OSBPL3: variants seen among roughly 807,000 people sequenced by gnomAD.
OSBPL3 encodes the protein oxysterol binding protein like 3, also known as oxysterol-binding protein-related protein 3.
A neutral mutation model predicts 120.1 loss-of-function variants in OSBPL3; 65 were observed. That is an observed-to-expected ratio of 0.54 (90% CI 0.44 to 0.67). The LOEUF is 0.67. Ranked by LOEUF, OSBPL3 falls within the 30% of genes least tolerant of loss-of-function variation. The pLI is 0.00. For synonymous variants in OSBPL3, 416 were observed against 402.6 expected (o/e 1.03, Z -0.40); for missense variants, 1,004 against 1,082.1 (o/e 0.93, Z 1.01).
chr7:24,900,565 C>A lies in OSBPL3; in HGVS notation c.-149-7944G>T, dbSNP rs1396408484. Among the ~76,000 whole-genome samples, 1 of 152,224 alleles carries A rather than the reference C, an allele frequency of 6.6e-6. No homozygotes were observed. Among genetic ancestry groups the A allele is most frequent in the Non-Finnish European group, 1.5e-5 (1 of 68,038 alleles). ...AAGATTTTGTCCCACTGCTTAGCTACTCCTTAATCAAGGTATGGCAAGTAC... is the reference window on the plus strand; with the variant it reads ...AAGATTTTGTCCCACTGCTTAGCTAATCCTTAATCAAGGTATGGCAAGTAC... On this transcript the variant is annotated intron_variant, in intron 1 of 22. Coordinates refer to ENST00000313367, the MANE Select transcript of OSBPL3 (RefSeq NM_015550.4). The surrounding 1 kb of genome is among the most constrained non-coding windows in gnomAD (Gnocchi z 4.5).
chr7:24,886,050 A>G (rs1233574994), intron 2 of OSBPL3, among the ~76,000 whole-genome samples: 2 of 152,262 alleles, frequency 1.3e-5, no homozygotes, highest in Non-Finnish European at 2.9e-5. Flanking sequence ...CACTTAATGT[A>G]TCTACAAGAC....
chr7:24,872,505 T>C lies in OSBPL3; in HGVS notation c.97-436A>G, dbSNP rs568710076. On this transcript the variant is annotated intron_variant, in intron 2 of 22. Coordinates refer to ENST00000313367, the MANE Select transcript of OSBPL3 (RefSeq NM_015550.4). This position sits in a 1 kb window ranked among gnomAD's most constrained non-coding sequence, Gnocchi z 4.1. The stretch of plus-strand genomic sequence containing the variant: ...TGTGTGTGGTGTTGGGGGAAGGAAG[T>C]TGGTTTAAGAATTGGCTGAACAGTA... Among the ~76,000 whole-genome samples the C allele has an allele frequency of 6.8e-6, 1 of 146,684 alleles. No individual in the cohort carries two copies. The highest frequency in any genetic ancestry group is 6.8e-5 in the Admixed American group (1 of 14,666).
rs187762690 is a variant in OSBPL3, at chr7:24,906,282, A to C, written c.-149-13661T>G. The C allele has an allele frequency of 1.2e-5, 3 of 256,312 alleles. No individual in the cohort carries two copies. In the East Asian group the frequency reaches 3.4e-4, roughly 29 times the overall value. The allele number at this position is 256,312 out of a possible 1,614,324, so 15.9% of individuals were successfully genotyped here. On this transcript the variant is annotated intron_variant, in intron 1 of 22. Coordinates refer to ENST00000313367, the MANE Select transcript of OSBPL3 (RefSeq NM_015550.4). ...CATCATCCCAGGAGGAGGAGAACCC[A>C]TCACTGACATCATGGGATGGCCACT... is the stretch of plus-strand genomic sequence containing the variant.
At position 24,861,622 on chromosome 7, in the gene OSBPL3, C is replaced by T; in HGVS notation, c.1018G>A (p.Ala340Thr). 6.3e-7 allele frequency: 1 copy of T among 1,590,548 alleles called. No homozygotes were observed. Among genetic ancestry groups the T allele is most frequent in the Non-Finnish European group, 8.5e-7 (1 of 1,170,868 alleles). The change falls in exon 10 of 23, where the codon GCC (alanine) becomes ACC (threonine). Residue 340 changes from alanine (A) to threonine (T), a missense_variant. Ala to Thr is a moderately conservative substitution (Grantham distance 58). Around this residue, in one of 4 missense-constraint regions of OSBPL3, gnomAD observed 272 missense variants for 248.8 expected, o/e 1.09. Coordinates refer to ENST00000313367, the MANE Select transcript of OSBPL3 (RefSeq NM_015550.4). ...SKMQEDLCHI[A>T]HKVYFTLRSA... Reference sequence around the variant, plus strand: ...AAGAAAACTCATTTACCTTTATGGGCAATATGACACAGATCTTCTTGCATT... The same window carrying T: ...AAGAAAACTCATTTACCTTTATGGGTAATATGACACAGATCTTCTTGCATT...
At position 24,912,396 on chromosome 7, in the gene OSBPL3, T is replaced by C. The variant is rs1808951195; in HGVS notation, c.-149-19775A>G. On this transcript the variant is annotated intron_variant, in intron 1 of 22. Transcript: ENST00000313367. The surrounding 1 kb of genome is among the most constrained non-coding windows in gnomAD (Gnocchi z 4.5). The stretch of plus-strand genomic sequence containing the variant: ...TCAAATTCAGCAACCAGGGCCTTGA[T>C]CTTCCTTGCATATTCCCCTATGTTG... 6.6e-6 allele frequency among the ~76,000 whole-genome samples: 1 copy of C among 152,212 alleles called. No homozygotes were observed. Among genetic ancestry groups the C allele is most frequent in the Admixed American group, 6.5e-5 (1 of 15,282 alleles).
chr7:24,928,045 T>A (rs1811283814), intron 1 of OSBPL3, among the ~76,000 whole-genome samples: 1 of 152,070 alleles, frequency 6.6e-6, no homozygotes, highest in African/African-American at 2.4e-5. Context: ...GTGTAGCACC[T>A]CCTCCTCTCT....
chr7:24,860,333 C>A (rs1800353353), intron 10 of OSBPL3, among the ~76,000 whole-genome samples: 1 of 152,140 alleles, frequency 6.6e-6, no homozygotes, highest in African/African-American at 2.4e-5. Flanking sequence ...GTGTCCCCAC[C>A]CAAATCTTAT....
At chr7:24,979,559 G>T (rs112190448) in intron 1 of OSBPL3, among the ~76,000 whole-genome samples, 14 of 152,328 alleles carry the variant, frequency 9.2e-5, no homozygotes, top group Admixed American at 5.9e-4. Flanking sequence ...CGCTGCCCAG[G>T]ACAGCTCCGC....
chr7:24,980,223 G>A (rs958134172), upstream of OSBPL3: 13 of 196,320 alleles, frequency 6.6e-5, no homozygotes, highest in South Asian at 1.8e-4. Flanking sequence ...GCGCAAGGGC[G>A]GGAGCGCAGG....
intron 20 of OSBPL3, among the ~76,000 whole-genome samples, chr7:24,809,215 G>T (rs1319169579): frequency 6.6e-6 from 1 of 152,152 alleles, no homozygotes; most frequent in Admixed American, 6.5e-5. Context: ...ATATGACTGT[G>T]ACTTGGAAAC....
chr7:24,931,316 C>T (rs1305380020), intron 1 of OSBPL3, among the ~76,000 whole-genome samples: 3 of 152,158 alleles, frequency 2.0e-5, no homozygotes, highest in African/African-American at 7.2e-5. Flanking sequence ...TAATGGTCCA[C>T]AAATATGTCC....
chr7:24,884,192 T>C (rs892461887), intron 2 of OSBPL3, among the ~76,000 whole-genome samples: 3 of 152,204 alleles, frequency 2.0e-5, no homozygotes, highest in African/African-American at 7.2e-5. Flanking sequence ...GAGGGAGGCT[T>C]GTTTAAATAA....
At position 24,949,338 on chromosome 7, in the gene OSBPL3, G is replaced by A. The variant is rs1205193650; in HGVS notation, c.-150+30548C>T. Among the ~76,000 whole-genome samples the A allele has an allele frequency of 2.0e-5, 3 of 152,100 alleles. 1 individual carries two copies. The highest frequency in any genetic ancestry group is 7.2e-5 in the African/African-American group (3 of 41,406). Reference sequence around the variant, plus strand: ...CATATTTTAATATCTCTGACATTGGGTGTGTCTCACATTTAACAGCCATCA... The same window carrying A: ...CATATTTTAATATCTCTGACATTGGATGTGTCTCACATTTAACAGCCATCA... On this transcript the variant is annotated intron_variant, in intron 1 of 22. Coordinates refer to ENST00000313367, the MANE Select transcript of OSBPL3 (RefSeq NM_015550.4).
At chr7:24,801,672 C>G (rs556787780) in intron 22 of OSBPL3, among the ~76,000 whole-genome samples, 3 of 152,334 alleles carry the variant, frequency 2.0e-5, no homozygotes, top group African/African-American at 7.2e-5. Context: ...TTTATTGGAA[C>G]ATGGCCATGT....
intron 1 of OSBPL3, among the ~76,000 whole-genome samples, chr7:24,944,430 C>G (rs1447813969): frequency 1.3e-5 from 2 of 151,920 alleles, no homozygotes; most frequent in African/African-American, 4.8e-5. Flanking sequence ...AGTTCAAGAC[C>G]ATCCTAACCA....
intron 2 of OSBPL3, among the ~76,000 whole-genome samples, chr7:24,888,964 T>G (rs1485483012): frequency 3.3e-5 from 5 of 152,224 alleles, no homozygotes; most frequent in African/African-American, 1.2e-4. Context: ...TTTAAGTTCA[T>G]GCATTTAATG....
intron 1 of OSBPL3, among the ~76,000 whole-genome samples, chr7:24,921,730 A>C (rs1584628346): frequency 2.0e-5 from 3 of 152,288 alleles, no homozygotes; most frequent in Admixed American, 2.0e-4. Flanking sequence ...AGGGATCTCT[A>C]AAGGCTGAGA....
rs562228302 is a variant in OSBPL3, at chr7:24,854,327, T to A, written c.1028-1693A>T. Among the ~76,000 whole-genome samples the A allele has an allele frequency of 4.6e-5, 7 of 152,118 alleles. No homozygotes were observed. The South Asian group carries it at 1.5e-3, about 32-fold the overall frequency. The stretch of plus-strand genomic sequence containing the variant: ...TTTTAGAGGTATTGTTATTCAAGAG[T>A]GGGCTATTTAGTAACACAGAAACTA... On this transcript the variant is annotated intron_variant, in intron 10 of 22. Coordinates refer to ENST00000313367, the MANE Select transcript of OSBPL3 (RefSeq NM_015550.4). This position sits in a 1 kb window ranked among gnomAD's most constrained non-coding sequence, Gnocchi z 4.1.
In OSBPL3 at chr7:24,814,985, ATGCCC is replaced by A. The variant is rs1320948470; in HGVS notation, c.2172+69_2172+73del. ...AAGGTGAAGGCGAAAAATCTCTCAAATGCCCTGTGCTCTGGGGCCCTGGCTCTGCC... is the reference window on the plus strand; with the variant it reads ...AAGGTGAAGGCGAAAAATCTCTCAAATGTGCTCTGGGGCCCTGGCTCTGCC... On this transcript the variant is annotated intron_variant, in intron 19 of 22. Transcript: ENST00000313367. 1.8e-5 allele frequency: 26 copies of A among 1,448,856 alleles called. No homozygotes were observed. In the Admixed American group the frequency reaches 4.7e-4, roughly 26 times the overall value. The allele number at this position is 1,448,856 out of a possible 1,614,324, so 89.8% of individuals were successfully genotyped here.
Sources: allele counts gnomAD v4.1 joint callset (sites outside exome capture counted in the v4.1 genomes callset), GRCh38; gene constraint gnomAD v4.1.1; regional missense constraint gnomAD v4.1.1; non-coding constraint Gnocchi (gnomAD v3.1); transcripts MANE v1.5; gene names NCBI Gene and HGNC (gene_info 2026-07-23, HGNC 2026-07-21).